The following RBM45 variants were observed in gnomAD, a reference collection of about 807,000 sequenced individuals.
RBM45 encodes RNA binding motif protein 45.
A neutral mutation model predicts 58.5 loss-of-function variants in RBM45; 39 were observed. The ratio of observed to expected loss-of-function variants is 0.67; its 90% CI spans 0.52 to 0.87. The LOEUF (loss-of-function observed/expected upper bound fraction) is 0.87, where lower values mean the gene tolerates loss of function less well. Among genes scored for constraint, RBM45 ranks in the 40% least tolerant of loss-of-function variants. RBM45 has a pLI of 0.00. For synonymous variants in RBM45, 193 were observed against 203.0 expected (o/e 0.95, Z 0.42); for missense variants, 481 against 581.6 (o/e 0.83, Z 1.78).
exon 4 of RBM45, chr2:178,136,576 T>C (rs1424917629): frequency 6.6e-6 from 1 of 152,186 alleles, no homozygotes; most frequent in African/African-American, 2.4e-5. Context: ...AGAGTATGAA[T>C]GACAAAGGTG....
intron 1 of RBM45, among the ~76,000 whole-genome samples, chr2:178,113,488 A>T (rs536277412): frequency 6.6e-6 from 1 of 152,340 alleles, no homozygotes; most frequent in South Asian, 2.1e-4. Context: ...TTAATAGCAT[A>T]CATTTGGTTC....
chr2:178,116,005 A>T (rs768902905), intron 1 of RBM45, among the ~76,000 whole-genome samples: 1 of 151,998 alleles, frequency 6.6e-6, no homozygotes, highest in Non-Finnish European at 1.5e-5. Flanking sequence ...TTAAAAAATT[A>T]GCTGGGTGTG....
At chr2:178,134,192 C>G (rs541556034), downstream of RBM45, among the ~76,000 whole-genome samples, 5 of 152,280 alleles carry the variant, frequency 3.3e-5, no homozygotes, top group South Asian at 1.0e-3. Flanking sequence ...CCGTGGGACT[C>G]TTAGAAACTG....
chr2:178,118,026 C>T (rs1347003621), intron 2 of RBM45, 29 bp from the exon 3 acceptor site: 3 of 1,518,362 alleles, frequency 2.0e-6, no homozygotes, highest in Middle Eastern at 1.9e-4. Context: ...TTTTAAGTCC[C>T]CTAAAATCAT....
rs909791017 is a variant in RBM45 at position 178,126,275 on chromosome 2, T to G, written c.*8+91T>G. ...GTACTTTATAAACTTTTCTTTTTAG[T>G]GATTTAGAAGTTGTCAGTTAAAAGA... On this transcript the variant is annotated intron_variant, in intron 9 of 9. Coordinates refer to ENST00000286070, the MANE Select transcript of RBM45 (RefSeq NM_152945.4). The G allele has an allele frequency of 3.7e-5, 29 of 776,184 alleles. No homozygotes were observed. In the East Asian group the frequency reaches 8.3e-4, roughly 22 times the overall value. The allele number at this position is 776,184 out of a possible 1,614,324, so 48.1% of individuals were successfully genotyped here.
At chr2:178,120,045 A>T (rs1278927702) in intron 3 of RBM45, among the ~76,000 whole-genome samples, 1 of 152,188 alleles carries the variant, frequency 6.6e-6, no homozygotes, top group Non-Finnish European at 1.5e-5. Context: ...ATGGGAAAGG[A>T]TAGCATAGAA....
chr2:178,119,685 T>C (rs1468807457), intron 3 of RBM45, among the ~76,000 whole-genome samples: 1 of 152,178 alleles, frequency 6.6e-6, no homozygotes, highest in East Asian at 1.9e-4. Flanking sequence ...TGAAGAAAAC[T>C]GAACCCTTGA....
intron 2 of RBM45, among the ~76,000 whole-genome samples, chr2:178,116,896 G>A (rs1013906919): frequency 1.3e-5 from 2 of 151,962 alleles, no homozygotes; most frequent in Admixed American, 6.6e-5. Context: ...TCACAGAAAG[G>A]CTTATTCTTT....
At chr2:178,116,146 A>T (rs2087773496) in intron 1 of RBM45, 116 bp from the exon 2 acceptor site, 3 of 1,304,866 alleles carry the variant, frequency 2.3e-6, no homozygotes, top group Non-Finnish European at 2.1e-6. Context: ...TTTCTTTGAG[A>T]CCCTGTCTCA....
At chr2:178,133,199 T>C (rs991061985), downstream of RBM45, among the ~76,000 whole-genome samples, 1 of 152,212 alleles carries the variant, frequency 6.6e-6, no homozygotes, top group Admixed American at 6.5e-5. Context: ...CATTAAGAAA[T>C]TGAAGAACAC....
At chr2:178,138,312 TA>T (rs1166496768) in exon 4 of RBM45, 1 of 152,028 alleles carries the variant, frequency 6.6e-6, no homozygotes, top group African/African-American at 2.4e-5. Flanking sequence ...GAGCAAAAGA[TA>T]AAAAGCACCC....
At position 178,116,353 on chromosome 2, in the gene RBM45, A is replaced by G. The variant is rs1370316172; in HGVS notation, c.392A>G (p.Tyr131Cys). The change falls in exon 2 of 10, where the codon TAC (tyrosine) becomes TGC (cysteine). Residue 131 changes from tyrosine (Y) to cysteine (C), a missense_variant. Transcript: ENST00000286070. ...TRIFVMIPKS[Y>C]TEEDLREKFK... ...ATCTTTGTTATGATACCAAAGTCCT[A>G]CACAGAAGAAGATCTGCGGGAAAAA... 1.2e-6 allele frequency: 2 copies of G among 1,605,988 alleles called. No homozygotes were observed. Among genetic ancestry groups the G allele is most frequent in the Non-Finnish European group, 1.7e-6 (2 of 1,178,004 alleles).
chr2:178,124,822 G>GT (rs1410689917), intron 8 of RBM45, among the ~76,000 whole-genome samples: 22 of 151,720 alleles, frequency 1.5e-4, no homozygotes, highest in Admixed American at 9.9e-4. Flanking sequence ...TGTTTTTTGT[G>GT]TTTTTTTTGC....
At position 178,113,473 on chromosome 2, in the gene RBM45, AAGTGTTAAT is replaced by A. The variant is rs145837039; in HGVS notation, c.300+630_300+638del. ...TGTTTTGAATGAGCTCTGTTTCTGA[AAGTGTTAAT>A]AGCATACATTTGGTTCTTGACCCTT... On this transcript the variant is annotated intron_variant, in intron 1 of 9. Transcript: ENST00000286070. Among the ~76,000 whole-genome samples, 689 of 152,286 alleles carry A rather than the reference AAGTGTTAAT, an allele frequency of 4.5e-3. 4 individuals are homozygous for A. Among genetic ancestry groups the A allele is most frequent in the African/African-American group, 0.016 (667 of 41,550 alleles).
Position 178,128,033 on chromosome 2 carries a change from T to A in RBM45, c.*9-1364T>A, listed in dbSNP as rs570190967. 1.7e-4 allele frequency among the ~76,000 whole-genome samples: 20 copies of A among 115,584 alleles called. No individual in the cohort carries two copies. The South Asian group carries it at 6.0e-3, about 35-fold the overall frequency. 75.8% of individuals were successfully genotyped at this position (115,584 alleles called of 152,430 possible). A position where few individuals can be genotyped will look rare whatever the true frequency, so the allele number is the denominator to read the frequency against. ...TTTTTTTTTTTTTTTAAACACAGAATCTTAGTCTGTCACCCAGGCTGGAGT... is the reference window on the plus strand; with the variant it reads ...TTTTTTTTTTTTTTTAAACACAGAAACTTAGTCTGTCACCCAGGCTGGAGT... On this transcript the variant is annotated intron_variant, in intron 9 of 9. Transcript: ENST00000286070.
chr2:178,128,109 A>C (rs1304899297), intron 9 of RBM45, among the ~76,000 whole-genome samples: 2 of 147,394 alleles, frequency 1.4e-5, no homozygotes, highest in African/African-American at 5.0e-5. Context: ...GGGCTCAAGC[A>C]GTCCTCACAG....
chr2:178,130,758 G>A (rs532641175), downstream of RBM45, among the ~76,000 whole-genome samples: 117 of 152,314 alleles, frequency 7.7e-4, no homozygotes, highest in African/African-American at 2.5e-3. Flanking sequence ...AACGATGAAA[G>A]ATTAAATTCA....
At chr2:178,121,557 A>G (rs1413527310) in intron 5 of RBM45, among the ~76,000 whole-genome samples, 198 bp downstream of exon 5, 1 of 152,052 alleles carries the variant, frequency 6.6e-6, no homozygotes, top group Admixed American at 6.6e-5. Context: ...ATATGGTGAT[A>G]CCTTAATAAA....
chr2:178,123,666 A>T lies in RBM45; in HGVS notation c.983+15A>T. On this transcript the variant is annotated intron_variant, in intron 6 of 9. Transcript: ENST00000286070. The stretch of plus-strand genomic sequence containing the variant: ...AATGCAACAGAGTAAGTACCATTCC[A>T]GGAGTGTCTAAAGCCGAGCTTTGAG... 1 of 1,595,690 alleles carries T rather than the reference A, an allele frequency of 6.3e-7. No homozygotes were observed. The highest frequency in any genetic ancestry group is 8.5e-7 in the Non-Finnish European group (1 of 1,173,418).
Sources: gnomAD v4.1 joint callset for allele counts (sites outside exome capture counted in the v4.1 genomes callset) on GRCh38, gnomAD v4.1.1 for gene constraint, MANE v1.5 for transcripts, NCBI Gene and HGNC (gene_info 2026-07-23, HGNC 2026-07-21) for gene names.